Variants in DLG2 observed in about 807,000 individuals in gnomAD.
The protein encoded by DLG2 is discs large MAGUK scaffold protein 2, also known as disks large homolog 2.
A neutral mutation model predicts 132.5 loss-of-function variants in DLG2; 45 were observed. The observed-to-expected ratio is 0.34, with a 90% CI of 0.27 to 0.44. The LOEUF is 0.44. DLG2 is among the 20% of genes least tolerant of loss of function. The probability of loss-of-function intolerance (pLI) is 1.00; values close to 1 mark genes in which losing one functional copy is unlikely to be tolerated. For synonymous variants in DLG2, 424 were observed against 419.6 expected, an observed-to-expected ratio of 1.01 and a Z score of -0.13; for missense variants, 1,045 against 1,196.9, an observed-to-expected ratio of 0.87 and a Z score of 1.87.
At chr11:85,320,051 CT>C (rs1565317497) in intron 3 of DLG2, among the ~76,000 whole-genome samples, 1 of 151,812 alleles carries the variant, frequency 6.6e-6, no homozygotes, top group African/African-American at 2.4e-5. Flanking sequence ...CTCTTTGAGC[CT>C]CTCATATATT....
At chr11:83,561,113 A>C (rs1489271612) in intron 19 of DLG2, among the ~76,000 whole-genome samples, 1 of 152,206 alleles carries the variant, frequency 6.6e-6, no homozygotes, top group African/African-American at 2.4e-5. Context: ...AGATCTTGTG[A>C]TAACTCTATG....
intron 10 of DLG2, among the ~76,000 whole-genome samples, chr11:84,079,317 T>C (rs1267892536): frequency 6.6e-6 from 1 of 151,692 alleles, no homozygotes; most frequent in Non-Finnish European, 1.5e-5. Context: ...GGAGTCTTGC[T>C]CTGTCACCCA....
intron 3 of DLG2, among the ~76,000 whole-genome samples, chr11:85,443,388 G>C (rs947774061): frequency 2.0e-5 from 3 of 152,194 alleles, no homozygotes; most frequent in African/African-American, 7.2e-5. Flanking sequence ...ATCTAGCTGT[G>C]TAATTGTCAA....
intron 6 of DLG2, among the ~76,000 whole-genome samples, chr11:84,770,611 A>G (rs936668161): frequency 6.6e-6 from 1 of 150,970 alleles, no homozygotes; most frequent in African/African-American, 2.4e-5. Context: ...CTCCAACTGC[A>G]TCCACGTTGC....
At chr11:84,686,067 C>T (rs1439139174) in intron 6 of DLG2, among the ~76,000 whole-genome samples, 2 of 152,186 alleles carry the variant, frequency 1.3e-5, no homozygotes, top group African/African-American at 4.8e-5. Context: ...AAGCACTGAA[C>T]AGAGATCTTC....
intron 9 of DLG2, among the ~76,000 whole-genome samples, chr11:84,144,055 C>T (rs1225553112): frequency 6.6e-6 from 1 of 152,026 alleles, no homozygotes; most frequent in Non-Finnish European, 1.5e-5. Flanking sequence ...CAGAGATGGA[C>T]ATTTTAAAGC....
chr11:85,058,779 G>C (rs1374167017), intron 6 of DLG2, among the ~76,000 whole-genome samples: 4 of 151,410 alleles, frequency 2.6e-5, no homozygotes, highest in Non-Finnish European at 5.9e-5. Context: ...GGGGGAAAAG[G>C]TGTTCTTATC....
At chr11:84,409,696 T>A (rs546899056) in intron 7 of DLG2, among the ~76,000 whole-genome samples, 1 of 152,312 alleles carries the variant, frequency 6.6e-6, no homozygotes, top group South Asian at 2.1e-4. Context: ...TCCTACCACC[T>A]TATCAGGGCA....
chr11:84,666,812 G>T (rs1157466744), intron 6 of DLG2, among the ~76,000 whole-genome samples: 1 of 151,868 alleles, frequency 6.6e-6, no homozygotes, highest in Non-Finnish European at 1.5e-5. Flanking sequence ...AGCTTAGAAA[G>T]GTTTACCTAA....
At chr11:85,305,062 G>C (rs1176517720) in intron 3 of DLG2, among the ~76,000 whole-genome samples, 1 of 152,162 alleles carries the variant, frequency 6.6e-6, no homozygotes, top group Non-Finnish European at 1.5e-5. Flanking sequence ...GAATGACCAT[G>C]TATTGTGCTA....
intron 6 of DLG2, among the ~76,000 whole-genome samples, chr11:84,691,655 G>C (rs1377945172): frequency 6.6e-6 from 1 of 150,708 alleles, no homozygotes; most frequent in African/African-American, 2.4e-5. Flanking sequence ...ATTCAGTTTA[G>C]CTTTTTTTTT....
intron 6 of DLG2, among the ~76,000 whole-genome samples, chr11:84,692,398 G>A (rs1273654903): frequency 4.6e-5 from 7 of 151,642 alleles, no homozygotes; most frequent in Admixed American, 4.6e-4. Flanking sequence ...CCTCTGAGGA[G>A]CTAGAAATGC....
chr11:84,787,667 T>C (rs944398091), intron 6 of DLG2, among the ~76,000 whole-genome samples: 10 of 152,214 alleles, frequency 6.6e-5, no homozygotes, highest in African/African-American at 2.4e-4. Flanking sequence ...TAATTTATTT[T>C]TCTGTGTCCA....
chr11:85,273,339 T>G (rs1346775737), intron 4 of DLG2, among the ~76,000 whole-genome samples: 2 of 152,024 alleles, frequency 1.3e-5, no homozygotes, highest in Non-Finnish European at 2.9e-5. Context: ...GGGAAGAAAT[T>G]TTTACAATCT....
At chr11:84,251,206 T>G in intron 8 of DLG2, 32 bp downstream of exon 8, 1 of 1,420,918 alleles carries the variant, frequency 7.0e-7, no homozygotes, top group Non-Finnish European at 9.6e-7. Flanking sequence ...ACCACAGTTT[T>G]AAAAGAAGGT....
chr11:83,515,715 T>C (rs2095267812), intron 21 of DLG2, among the ~76,000 whole-genome samples: 1 of 152,252 alleles, frequency 6.6e-6, no homozygotes, highest in South Asian at 2.1e-4. Flanking sequence ...GAGATTCTGG[T>C]ATGTTGTGTC....
chr11:84,356,205 T>G (rs1229470657), intron 7 of DLG2, among the ~76,000 whole-genome samples: 2 of 152,136 alleles, frequency 1.3e-5, no homozygotes, highest in Non-Finnish European at 2.9e-5. Flanking sequence ...AGCAGGAAAT[T>G]GTAATTACCA....
intron 19 of DLG2, among the ~76,000 whole-genome samples, chr11:83,575,404 T>C (rs189856512): frequency 6.6e-6 from 1 of 152,240 alleles, no homozygotes; most frequent in East Asian, 1.9e-4. Flanking sequence ...GAACTGAGAA[T>C]CTGAAGAGAT....
At chr11:85,183,620 A>G (rs1469219574) in intron 4 of DLG2, among the ~76,000 whole-genome samples, 1 of 151,950 alleles carries the variant, frequency 6.6e-6, no homozygotes, top group African/African-American at 2.4e-5. Context: ...TAACAGGAAT[A>G]AAAGACACAC....
Sources: allele counts gnomAD v4.1 joint callset (sites outside exome capture counted in the v4.1 genomes callset), GRCh38; gene constraint gnomAD v4.1.1; transcripts MANE v1.5; gene names NCBI Gene and HGNC (gene_info 2026-07-23, HGNC 2026-07-21).